The following UST variants were observed in gnomAD, a reference collection of about 807,000 sequenced individuals.
The protein encoded by UST is uronyl 2-sulfotransferase, also known as chondroitin sulfate 2-O-sulfotransferase.
In UST, 21 loss-of-function variants were observed where a neutral mutation model predicts 45.6. The observed-to-expected ratio is 0.46, with a 90% CI of 0.33 to 0.66. The LOEUF is 0.66. UST is among the 30% of genes least tolerant of loss of function. The probability of loss-of-function intolerance (pLI) is 0.02; values close to 1 mark genes in which losing one functional copy is unlikely to be tolerated. For missense variants in UST, 463 were observed against 512.4 expected (o/e 0.90, Z 0.93); for synonymous variants, 215 against 200.6 (o/e 1.07, Z -0.61).
At chr6:148,773,169 G>A (rs9485328) in intron 1 of UST, among the ~76,000 whole-genome samples, 4,547 of 152,050 alleles carry the variant, frequency 0.03, 95 homozygotes, top group Non-Finnish European at 0.041. Context: ...TTTTAAAATG[G>A]TGATTGTTGG....
intron 5 of UST, among the ~76,000 whole-genome samples, chr6:148,976,777 G>T (rs1013973106): frequency 7.9e-5 from 12 of 152,038 alleles, no homozygotes; most frequent in African/African-American, 2.4e-4. Flanking sequence ...CACTATTTTT[G>T]ATATAAATTG....
In UST at chr6:149,014,864, A is replaced by G. The variant is rs1179417669; in HGVS notation, c.682-4275A>G. 2.6e-5 allele frequency among the ~76,000 whole-genome samples: 4 copies of G among 152,192 alleles called. No individual in the cohort carries two copies. The East Asian group carries it at 7.7e-4, about 29-fold the overall frequency. ...TCTGGCCAGGGAAATCACAGTTTGT[A>G]TCAGGTGCCCCATTGTTATCCCTGT... On this transcript the variant is annotated intron_variant, in intron 5 of 7. Coordinates refer to ENST00000367463, the MANE Select transcript of UST (RefSeq NM_005715.3).
intron 1 of UST, among the ~76,000 whole-genome samples, chr6:148,805,407 C>G (rs186212945): frequency 1.1e-4 from 17 of 152,256 alleles, no homozygotes; most frequent in Admixed American, 5.9e-4. Flanking sequence ...TGGAAAAAGC[C>G]TGAGATGTTG....
chr6:149,017,742 A>G (rs76025090), intron 5 of UST, among the ~76,000 whole-genome samples: 2,921 of 151,892 alleles, frequency 0.019, 115 homozygotes, highest in African/African-American at 0.068. Context: ...GAACATGTAA[A>G]TTCTGCCATA....
chr6:149,039,414 C>T (rs572504762), intron 7 of UST, among the ~76,000 whole-genome samples: 2 of 152,026 alleles, frequency 1.3e-5, no homozygotes, highest in African/African-American at 4.8e-5. Flanking sequence ...TTAGGAGAGA[C>T]GGGGTTTCTC....
chr6:148,977,867 A>C (rs1297381087), intron 5 of UST, among the ~76,000 whole-genome samples: 2 of 152,008 alleles, frequency 1.3e-5, no homozygotes, highest in Admixed American at 1.3e-4. Context: ...GCTTTAGATT[A>C]AGGTAGGGAG....
At position 148,754,884 on chromosome 6, in the gene UST, G is replaced by A. The variant is rs549656893; in HGVS notation, c.247+7207G>A. On this transcript the variant is annotated intron_variant, in intron 1 of 7. Transcript: ENST00000367463. Reference sequence around the variant, plus strand: ...AACTCTAAAGATGGATTGAAAACAAGGATCTGTTCTAAAGAATCCTGGGGG... The same window carrying A: ...AACTCTAAAGATGGATTGAAAACAAAGATCTGTTCTAAAGAATCCTGGGGG... 2.0e-5 allele frequency among the ~76,000 whole-genome samples: 3 copies of A among 152,262 alleles called. No individual in the cohort carries two copies. The South Asian group carries it at 6.2e-4, about 32-fold the overall frequency.
At chr6:148,992,346 T>C (rs1438394579) in intron 5 of UST, among the ~76,000 whole-genome samples, 1 of 151,688 alleles carries the variant, frequency 6.6e-6, no homozygotes, top group African/African-American at 2.4e-5. Context: ...CTACTAAAAA[T>C]ACAAAAAAAA....
chr6:148,878,857 T>G (rs958154608), intron 1 of UST, among the ~76,000 whole-genome samples: 1 of 151,508 alleles, frequency 6.6e-6, no homozygotes, highest in Non-Finnish European at 1.5e-5. Flanking sequence ...TGTGTGAGTG[T>G]GGGGATCATG....
intron 1 of UST, among the ~76,000 whole-genome samples, chr6:148,875,577 C>T (rs979584829): frequency 3.9e-5 from 6 of 152,172 alleles, no homozygotes; most frequent in African/African-American, 9.7e-5. Flanking sequence ...CTGAAGTGGG[C>T]GGATCACCTG....
At chr6:148,995,118 G>C (rs1781427927) in intron 5 of UST, among the ~76,000 whole-genome samples, 1 of 152,000 alleles carries the variant, frequency 6.6e-6, no homozygotes, top group African/African-American at 2.4e-5. Flanking sequence ...TCCGCCTCCC[G>C]GGTTCAAGCT....
intron 1 of UST, among the ~76,000 whole-genome samples, chr6:148,806,064 A>G (rs1422143609): frequency 1.4e-5 from 2 of 145,096 alleles, no homozygotes; most frequent in Non-Finnish European, 3.0e-5. Context: ...ATACATTTTG[A>G]GAAATCAAAG....
At chr6:148,826,642 A>G (rs1008632844) in intron 1 of UST, among the ~76,000 whole-genome samples, 2 of 152,158 alleles carry the variant, frequency 1.3e-5, no homozygotes, top group Non-Finnish European at 2.9e-5. Context: ...ATGTACCTGT[A>G]TTAGTTTTCT....
intron 2 of UST, among the ~76,000 whole-genome samples, chr6:148,906,086 C>T (rs141284127): frequency 2.6e-5 from 4 of 152,334 alleles, no homozygotes; most frequent in Admixed American, 2.0e-4. Flanking sequence ...TTGTCAGTTA[C>T]GTAAGCCCCA....
In UST at chr6:149,019,949, T is replaced by C. The variant is rs567618497; in HGVS notation, c.779+713T>C. On this transcript the variant is annotated intron_variant, in intron 6 of 7. Coordinates refer to ENST00000367463, the MANE Select transcript of UST (RefSeq NM_005715.3). ...TAGCTATAGTTGAAATCTACTGTGCTAGACAAATGTCATAGCCTGGAGAAG... is the reference window on the plus strand; with the variant it reads ...TAGCTATAGTTGAAATCTACTGTGCCAGACAAATGTCATAGCCTGGAGAAG... Among the ~76,000 whole-genome samples the C allele has an allele frequency of 1.5e-4, 23 of 152,304 alleles. No individual in the cohort carries two copies. The South Asian group carries it at 2.5e-3, about 16-fold the overall frequency.
rs1272158312 is a variant in UST, at chr6:148,886,965, AC to A, written c.248-20del. ...TGGGATTTAAAAAACGGATTCATCA[AC>A]TTTTTCCTTTATTTTCTAGGAAATT... is the stretch of plus-strand genomic sequence containing the variant. On this transcript the variant is annotated intron_variant, in intron 1 of 7. Coordinates refer to ENST00000367463, the MANE Select transcript of UST (RefSeq NM_005715.3). 2 of 1,607,454 alleles carry A rather than the reference AC, an allele frequency of 1.2e-6. No homozygotes were observed. The highest frequency in any genetic ancestry group is 1.3e-5 in the African/African-American group (1 of 74,740).
intron 5 of UST, among the ~76,000 whole-genome samples, chr6:148,970,429 G>A (rs1780891241): frequency 6.6e-6 from 1 of 152,140 alleles, no homozygotes; most frequent in Non-Finnish European, 1.5e-5. Context: ...AACCAGGATG[G>A]CGATCCCAGA....
intron 1 of UST, among the ~76,000 whole-genome samples, chr6:148,870,966 T>C (rs1434852756): frequency 6.6e-6 from 1 of 152,166 alleles, no homozygotes; most frequent in Non-Finnish European, 1.5e-5. Flanking sequence ...AATGGCTGTG[T>C]CCCTCTAAAA....
At chr6:148,993,540 A>G (rs755489161) in intron 5 of UST, among the ~76,000 whole-genome samples, 8 of 152,204 alleles carry the variant, frequency 5.3e-5, no homozygotes, top group Non-Finnish European at 7.3e-5. Context: ...AAAGGATAAA[A>G]CCAATAACAA....
Sources: gnomAD v4.1 joint callset for allele counts (sites outside exome capture counted in the v4.1 genomes callset) on GRCh38, gnomAD v4.1.1 for gene constraint, MANE v1.5 for transcripts, NCBI Gene and HGNC (gene_info 2026-07-23, HGNC 2026-07-21) for gene names.